The following SLC2A9 variants were observed in gnomAD, a reference collection of about 807,000 sequenced individuals.
The protein encoded by SLC2A9 is solute carrier family 2 member 9.
In SLC2A9, 39 loss-of-function variants were observed where a neutral mutation model predicts 50.6. The ratio of observed to expected loss-of-function variants is 0.77; its 90% confidence interval spans 0.60 to 1.01. The LOEUF is 1.01. Among genes scored for constraint, SLC2A9 ranks in the 50% least tolerant of loss-of-function variants. The probability of loss-of-function intolerance (pLI) is 0.00; values close to 1 mark genes in which losing one functional copy is unlikely to be tolerated. For synonymous variants in SLC2A9, 324 were observed against 276.9 expected (o/e 1.17, Z -1.69); for missense variants, 686 against 677.6 (o/e 1.01, Z -0.14).
intron 6 of SLC2A9, among the ~76,000 whole-genome samples, chr4:9,927,356 G>GTTA (rs1278259834): frequency 6.6e-6 from 1 of 152,228 alleles, no homozygotes; most frequent in East Asian, 1.9e-4. Context: ...ATGGCACTTT[G>GTTA]TTATGGCAGC....
intron 5 of SLC2A9, among the ~76,000 whole-genome samples, chr4:9,944,056 G>A (rs530221790): frequency 1.1e-4 from 17 of 152,356 alleles, no homozygotes; most frequent in Admixed American, 1.3e-4. Flanking sequence ...CCCAGGGGTG[G>A]TGTTTTTGGA....
chr4:10,014,577 C>G (rs531034650), intron 2 of SLC2A9, among the ~76,000 whole-genome samples: 37 of 152,320 alleles, frequency 2.4e-4, no homozygotes, highest in South Asian at 1.7e-3. Context: ...ATCCAGCTAC[C>G]CTTAGGTCTC....
chr4:9,857,835 G>T (rs1243641152), intron 10 of SLC2A9, among the ~76,000 whole-genome samples: 1 of 152,156 alleles, frequency 6.6e-6, no homozygotes, highest in East Asian at 1.9e-4. Context: ...GTGTCTTAGG[G>T]TCTCTTGGAG....
At position 9,996,778 on chromosome 4, in the gene SLC2A9, G is replaced by C; in HGVS notation, c.410+3C>G. On this transcript the variant is annotated splice_donor_region_variant and intron_variant, in intron 3 of 11. Coordinates refer to ENST00000264784, the MANE Select transcript of SLC2A9 (RefSeq NM_020041.3). ...CCCCAGATAGAGACAGCCTCCTACTGACCTCCCAAGAACCTTTCCAATCAT... is the reference window on the plus strand; with the variant it reads ...CCCCAGATAGAGACAGCCTCCTACTCACCTCCCAAGAACCTTTCCAATCAT... The C allele has an allele frequency of 6.2e-7, 1 of 1,613,312 alleles. No homozygotes were observed. Among genetic ancestry groups the C allele is most frequent in the Non-Finnish European group, 8.5e-7 (1 of 1,179,558 alleles).
intron 6 of SLC2A9, among the ~76,000 whole-genome samples, chr4:9,925,928 C>A (rs1411490783): frequency 6.6e-6 from 1 of 152,172 alleles, no homozygotes; most frequent in East Asian, 1.9e-4. Flanking sequence ...GCAGGCTCCC[C>A]ATGGTCCTCA....
In SLC2A9 at chr4:9,826,543, T is replaced by C. The variant is rs770015681; in HGVS notation, c.1477A>G (p.Ile493Val). 1.1e-5 allele frequency: 17 copies of C among 1,613,952 alleles called. No individual in the cohort carries two copies. In the African/African-American group the frequency reaches 1.6e-4, roughly 15 times the overall value. ...TCAGGCAGCACAAAATACAGGTAGA[T>C]AGCACCTGTGATACAAATTGTAGCA... ...VFATICITGA[I>V]YLYFVLPETK... Residue 493 changes from isoleucine to valine, a missense_variant, in exon 12 of 12, where the codon ATC (isoleucine) becomes GTC (valine). Ile to Val is a conservative substitution (Grantham distance 29, BLOSUM62 3). Coordinates refer to ENST00000264784, the MANE Select transcript of SLC2A9 (RefSeq NM_020041.3).
chr4:9,914,284 A>G (rs550124862), intron 7 of SLC2A9, among the ~76,000 whole-genome samples: 1 of 152,354 alleles, frequency 6.6e-6, no homozygotes, highest in South Asian at 2.1e-4. Flanking sequence ...GCAGCTGCCA[A>G]GCAAAGCAAG....
In SLC2A9 at chr4:9,959,168, C is replaced by T. The variant is rs150295421; in HGVS notation, c.682-17123G>A. ...GGAGATCAGCCTGGCCAATGTGGTT[C>T]GAGATCAGCTTGGCCAATCTCTTTA... On this transcript the variant is annotated intron_variant, in intron 5 of 11. Coordinates refer to ENST00000264784, the MANE Select transcript of SLC2A9 (RefSeq NM_020041.3). 2.7e-5 allele frequency among the ~76,000 whole-genome samples: 4 copies of T among 149,856 alleles called. No individual in the cohort carries two copies. The East Asian group carries it at 7.9e-4, about 30-fold the overall frequency.
intron 3 of SLC2A9, among the ~76,000 whole-genome samples, chr4:9,786,299 C>T (rs559283494): frequency 1.3e-5 from 2 of 152,304 alleles, no homozygotes; most frequent in South Asian, 4.1e-4. Flanking sequence ...AGCCTGTGGT[C>T]ACAGAGCTCC....
chr4:10,020,832 G>A (rs1371733365), intron 1 of SLC2A9, among the ~76,000 whole-genome samples: 2 of 152,140 alleles, frequency 1.3e-5, no homozygotes, highest in African/African-American at 2.4e-5. Context: ...GGCAGGTGGG[G>A]GCCATCTTCT....
intron 10 of SLC2A9, chr4:9,879,850 C>G (rs1207683816): frequency 1.1e-4 from 110 of 985,314 alleles, no homozygotes; most frequent in Non-Finnish European, 1.3e-4. Context: ...ATTAGACTTC[C>G]CTGCCACTGC....
downstream of SLC2A9, among the ~76,000 whole-genome samples, chr4:9,778,217 C>G (rs1717838429): frequency 6.6e-6 from 1 of 151,944 alleles, no homozygotes; most frequent in African/African-American, 2.4e-5. Flanking sequence ...TTGAGTAATT[C>G]TCCTGCCTCA....
At chr4:10,010,490 T>C (rs1364561401) in intron 2 of SLC2A9, among the ~76,000 whole-genome samples, 2 of 152,224 alleles carry the variant, frequency 1.3e-5, no homozygotes, top group African/African-American at 4.8e-5. Context: ...CGCTGGTGTC[T>C]GAAGTAAGGC....
At position 9,873,405 on chromosome 4, in the gene SLC2A9, C is replaced by T. The variant is rs560062448; in HGVS notation, c.1291+14162G>A. Reference sequence around the variant, plus strand: ...GTAGAATAGCCACAGTTCTTTGCAGCCCCTCCAATGGGAGGGAAAGTCTTT... The same window carrying T: ...GTAGAATAGCCACAGTTCTTTGCAGTCCCTCCAATGGGAGGGAAAGTCTTT... On this transcript the variant is annotated intron_variant, in intron 10 of 11. Coordinates refer to ENST00000264784, the MANE Select transcript of SLC2A9 (RefSeq NM_020041.3). Among the ~76,000 whole-genome samples, 3 of 152,342 alleles carry T rather than the reference C, an allele frequency of 2.0e-5. No homozygotes were observed. In the South Asian group the frequency reaches 6.2e-4, roughly 32 times the overall value.
intron 1 of SLC2A9, among the ~76,000 whole-genome samples, chr4:9,773,601 C>G (rs1459396747): frequency 6.6e-6 from 1 of 152,202 alleles, no homozygotes. Flanking sequence ...TTTGCAGGAG[C>G]CAGGCATGTG....
chr4:9,853,526 G>C lies in SLC2A9; in HGVS notation c.1292-18518C>G, dbSNP rs111808841. ...ACAAGTTCTTAGAGACCTACAAGGA[G>C]ACATAGGTAACCACACAATAATAGC... On this transcript the variant is annotated intron_variant, in intron 10 of 11. Coordinates refer to ENST00000264784, the MANE Select transcript of SLC2A9 (RefSeq NM_020041.3). Among the ~76,000 whole-genome samples, 893 of 152,246 alleles carry C rather than the reference G, an allele frequency of 5.9e-3. 8 individuals carry two copies. Among genetic ancestry groups the C allele is most frequent in the African/African-American group, 0.02 (842 of 41,536 alleles).
chr4:9,836,175 T>G (rs911878364), intron 10 of SLC2A9, among the ~76,000 whole-genome samples: 2 of 147,848 alleles, frequency 1.4e-5, no homozygotes, highest in African/African-American at 5.0e-5. Context: ...GGGTGAGTTA[T>G]AAAACACTAC....
At chr4:9,971,887 T>C (rs1753962654) in intron 5 of SLC2A9, among the ~76,000 whole-genome samples, 1 of 152,184 alleles carries the variant, frequency 6.6e-6, no homozygotes, top group Non-Finnish European at 1.5e-5. Flanking sequence ...CACGAGAAAA[T>C]ACTGCTGCGA....
At chr4:9,882,024 G>A (rs1413860048) in intron 10 of SLC2A9, among the ~76,000 whole-genome samples, 1 of 152,180 alleles carries the variant, frequency 6.6e-6, no homozygotes, top group African/African-American at 2.4e-5. Context: ...TTGAATTTAA[G>A]AGACAAAGAC....
Sources: gnomAD v4.1 joint callset for allele counts (sites outside exome capture counted in the v4.1 genomes callset) on GRCh38, gnomAD v4.1.1 for gene constraint, MANE v1.5 for transcripts, NCBI Gene and HGNC (gene_info 2026-07-23, HGNC 2026-07-21) for gene names.